The following SNX29 variants were observed in gnomAD, a reference collection of about 807,000 sequenced individuals.
The protein encoded by SNX29 is sorting nexin-29.
Under a neutral mutation model 102.1 loss-of-function variants are expected in SNX29, and 78 were observed. The observed-to-expected ratio is 0.76, with a 90% CI of 0.64 to 0.92. The LOEUF (loss-of-function observed/expected upper bound fraction) is 0.92, where lower values mean the gene tolerates loss of function less well. Ranked by LOEUF, SNX29 falls within the 40% of genes least tolerant of loss-of-function variation. The pLI is 0.00. For missense variants in SNX29, 1,280 were observed against 1,061.7 expected (o/e 1.21, Z -2.86); for synonymous variants, 580 against 414.5 (o/e 1.40, Z -4.85).
intron 18 of SNX29, among the ~76,000 whole-genome samples, chr16:12,421,025 T>C (rs985152953): frequency 1.3e-5 from 2 of 152,204 alleles, no homozygotes; most frequent in Non-Finnish European, 2.9e-5. Flanking sequence ...CACTTAATCC[T>C]CATGCCAGCC....
intron 14 of SNX29, among the ~76,000 whole-genome samples, chr16:12,222,010 G>A (rs1336021257): frequency 6.6e-6 from 1 of 152,250 alleles, no homozygotes; most frequent in Non-Finnish European, 1.5e-5. Flanking sequence ...GTTAGGTAGA[G>A]AGGATGATAA....
At chr16:12,409,586 G>A (rs1298537179) in intron 18 of SNX29, among the ~76,000 whole-genome samples, 1 of 151,964 alleles carries the variant, frequency 6.6e-6, no homozygotes, top group Non-Finnish European at 1.5e-5. Context: ...CTGTCACCAC[G>A]CCTGGCTAAT....
At chr16:12,357,403 C>CA (rs2082166317) in intron 16 of SNX29, among the ~76,000 whole-genome samples, 1 of 152,156 alleles carries the variant, frequency 6.6e-6, no homozygotes, top group African/African-American at 2.4e-5. Flanking sequence ...TCATCACAGT[C>CA]AGTGTTCAAA....
chr16:12,173,168 G>A lies in SNX29; in HGVS notation c.1596-26433G>A, dbSNP rs570078705. 4.9e-4 allele frequency among the ~76,000 whole-genome samples: 75 copies of A among 152,346 alleles called. No individual in the cohort carries two copies. In the South Asian group the frequency reaches 9.1e-3, roughly 19 times the overall value. On this transcript the variant is annotated intron_variant, in intron 13 of 20. Coordinates refer to ENST00000566228, the MANE Select transcript of SNX29 (RefSeq NM_032167.5). ...AACCTCTGATTGGTGAGTGACTGCC[G>A]GAGATAAAGCTGGTCTTAGAATTGC... is the stretch of plus-strand genomic sequence containing the variant.
intron 1 of SNX29, among the ~76,000 whole-genome samples, chr16:11,997,097 C>T (rs1240105411): frequency 1.3e-5 from 2 of 152,160 alleles, no homozygotes; most frequent in African/African-American, 2.4e-5. Context: ...TTTCAACAGT[C>T]TAACCCCTTT....
At chr16:12,543,566 A>G (rs957912484) in intron 20 of SNX29, among the ~76,000 whole-genome samples, 2 of 152,132 alleles carry the variant, frequency 1.3e-5, no homozygotes, top group East Asian at 3.9e-4. Context: ...GAGCCACGAG[A>G]TCACGCTTCC....
Position 12,188,717 on chromosome 16 carries a change from G to A in SNX29, c.1596-10884G>A, listed in dbSNP as rs546015300. Reference sequence around the variant, plus strand: ...TGCAAGGATGGTTACGGGGGAGAGAGCACTAAAAATCAAACAAGCTTTTTA... The same window carrying A: ...TGCAAGGATGGTTACGGGGGAGAGAACACTAAAAATCAAACAAGCTTTTTA... On this transcript the variant is annotated intron_variant, in intron 13 of 20. Coordinates refer to ENST00000566228, the MANE Select transcript of SNX29 (RefSeq NM_032167.5). Among the ~76,000 whole-genome samples, 334 of 152,210 alleles carry A rather than the reference G, an allele frequency of 2.2e-3. 2 individuals are homozygous for A. Among genetic ancestry groups the A allele is most frequent in the South Asian group, 6.6e-3 (32 of 4,822 alleles).
In SNX29 at chr16:12,339,370, C is replaced by CAAAAAAAAAAA. The variant is rs58148692; in HGVS notation, c.1783-16779_1783-16769dup. Among the ~76,000 whole-genome samples, 560 of 56,254 alleles carry CAAAAAAAAAAA rather than the reference C, an allele frequency of 1.0e-2. 81 individuals are homozygous for CAAAAAAAAAAA. The highest frequency in any genetic ancestry group is 0.042 in the African/African-American group (523 of 12,408). The allele number at this position is 56,254 out of a possible 152,430, so 36.9% of individuals were successfully genotyped here. Reference sequence around the variant, plus strand: ...TGGGCGACAGAGTGAGATTCTGTCTCAAAAAAAAAAAAAAAAAAAAAAAAG... The same window carrying CAAAAAAAAAAA: ...TGGGCGACAGAGTGAGATTCTGTCTCAAAAAAAAAAAAAAAAAAAAAAAAAAAAAAAAAAAG... On this transcript the variant is annotated intron_variant, in intron 15 of 20. Coordinates refer to ENST00000566228, the MANE Select transcript of SNX29 (RefSeq NM_032167.5).
Position 12,134,587 on chromosome 16 carries a change from G to T in SNX29, c.1595+4829G>T, listed in dbSNP as rs2054592053. Reference sequence around the variant, plus strand: ...CGTAACCCAGGAGCAGGAGAAGAGAGCGCACCCAAGATGGAAGCCACCATG... The same window carrying T: ...CGTAACCCAGGAGCAGGAGAAGAGATCGCACCCAAGATGGAAGCCACCATG... On this transcript the variant is annotated intron_variant, in intron 13 of 20. Coordinates refer to ENST00000566228, the MANE Select transcript of SNX29 (RefSeq NM_032167.5). Among the ~76,000 whole-genome samples the T allele has an allele frequency of 2.0e-5, 3 of 152,196 alleles. No individual in the cohort carries two copies. In the South Asian group the frequency reaches 6.2e-4, roughly 32 times the overall value.
chr16:12,512,480 C>G (rs1250448050), intron 19 of SNX29, among the ~76,000 whole-genome samples: 1 of 140,870 alleles, frequency 7.1e-6, no homozygotes, highest in Non-Finnish European at 1.6e-5. Context: ...GTGGTGCGAT[C>G]TCAGCTCACT....
chr16:12,166,135 A>ATG (rs1213025579), intron 13 of SNX29, among the ~76,000 whole-genome samples: 1 of 152,236 alleles, frequency 6.6e-6, no homozygotes, highest in African/African-American at 2.4e-5. Flanking sequence ...TTGGTTAAAA[A>ATG]TGTGATTTGG....
At chr16:12,129,919 A>G (rs2054382904) in intron 13 of SNX29, among the ~76,000 whole-genome samples, 161 bp downstream of exon 13, 1 of 152,024 alleles carries the variant, frequency 6.6e-6, no homozygotes, top group South Asian at 2.1e-4. Flanking sequence ...CCTGGCTAAC[A>G]CAGTGAAACC....
At chr16:12,509,881 T>G (rs2089535332) in intron 19 of SNX29, among the ~76,000 whole-genome samples, 1 of 152,240 alleles carries the variant, frequency 6.6e-6, no homozygotes, top group Non-Finnish European at 1.5e-5. Context: ...TTCCCTCATG[T>G]CCCTGTTCTC....
chr16:12,463,817 AGTGTGT>A (rs143006476), intron 18 of SNX29, among the ~76,000 whole-genome samples: 5,645 of 143,348 alleles, frequency 0.039, 254 homozygotes, highest in African/African-American at 0.11. Flanking sequence ...TCCCGAAGTG[AGTGTGT>A]GTGTGTGTGT....
At chr16:12,450,146 C>T (rs1413871536) in intron 18 of SNX29, among the ~76,000 whole-genome samples, 1 of 152,196 alleles carries the variant, frequency 6.6e-6, no homozygotes, top group Non-Finnish European at 1.5e-5. Context: ...ATTCTGAGGC[C>T]TCCCCAGCCA....
intron 8 of SNX29, among the ~76,000 whole-genome samples, chr16:12,059,810 A>G (rs1567169467): frequency 1.3e-5 from 2 of 152,232 alleles, no homozygotes; most frequent in Non-Finnish European, 2.9e-5. Flanking sequence ...AAGACAAACT[A>G]TATAAGTAAT....
intron 15 of SNX29, among the ~76,000 whole-genome samples, chr16:12,284,710 G>A (rs1322271696): frequency 2.0e-5 from 3 of 151,700 alleles, no homozygotes; most frequent in Non-Finnish European, 2.9e-5. Flanking sequence ...GAACTGCTTT[G>A]GTTTCGGTTC....
At chr16:12,280,344 G>T (rs1394573841) in intron 15 of SNX29, among the ~76,000 whole-genome samples, 1 of 152,162 alleles carries the variant, frequency 6.6e-6, no homozygotes, top group African/African-American at 2.4e-5. Context: ...CCCCTGCTGT[G>T]CTGACCTGAG....
chr16:12,301,470 C>G (rs2080171514), intron 15 of SNX29, among the ~76,000 whole-genome samples: 1 of 152,242 alleles, frequency 6.6e-6, no homozygotes. Flanking sequence ...TTCGTGTCCT[C>G]CCAGTCTCCA....
Sources: allele counts gnomAD v4.1 joint callset (sites outside exome capture counted in the v4.1 genomes callset), GRCh38; gene constraint gnomAD v4.1.1; transcripts MANE v1.5; gene names NCBI Gene and HGNC (gene_info 2026-07-23, HGNC 2026-07-21).